CBR4: variants seen among roughly 807,000 people sequenced by gnomAD.
The protein encoded by CBR4 is 3-oxoacyl-[acyl-carrier-protein] reductase.
CBR4 carries 22 observed loss-of-function variants against 21.0 expected under a neutral mutation model. That is an observed-to-expected ratio of 1.05 (90% CI 0.75 to 1.50). The LOEUF is 1.50. Among genes scored for constraint, CBR4 ranks in the 40% most tolerant of loss-of-function variants. CBR4 has a pLI of 0.00. For missense variants in CBR4, 302 were observed against 286.3 expected (o/e 1.05, Z -0.40); for synonymous variants, 100 against 104.4 (o/e 0.96, Z 0.26).
At chr4:168,970,129 T>C (rs1325634285) in intron 2 of CBR4, among the ~76,000 whole-genome samples, 3 of 152,240 alleles carry the variant, frequency 2.0e-5, no homozygotes, top group African/African-American at 7.2e-5. Context: ...ATATTCTTGA[T>C]ACTGACTCTT....
chr4:168,919,397 C>T (rs1422242666), intron 2 of CBR4, among the ~76,000 whole-genome samples: 6 of 152,014 alleles, frequency 3.9e-5, no homozygotes, highest in South Asian at 2.1e-4. Context: ...TGGTGGCAGG[C>T]GCCTGTAATC....
intron 2 of CBR4, among the ~76,000 whole-genome samples, chr4:168,912,519 A>T (rs549284340): frequency 6.6e-5 from 10 of 152,230 alleles, no homozygotes; most frequent in Admixed American, 5.9e-4. Flanking sequence ...TGGCTTATCC[A>T]TGTCATCTGG....
intron 4 of CBR4, among the ~76,000 whole-genome samples, chr4:168,995,698 T>C (rs1264280387): frequency 6.6e-6 from 1 of 152,174 alleles, no homozygotes; most frequent in Non-Finnish European, 1.5e-5. Context: ...CACACTAGGC[T>C]ATAAACATTA....
chr4:168,989,082 G>C lies in CBR4; in HGVS notation c.*1068C>G, dbSNP rs904831560. The C allele has an allele frequency of 1.0e-6, 1 of 984,182 alleles. No homozygotes were observed. The highest frequency in any genetic ancestry group is 1.2e-6 in the Non-Finnish European group (1 of 829,028). 61.0% of individuals were successfully genotyped at this position (984,182 alleles called of 1,614,324 possible). On this transcript the variant is annotated 3_prime_UTR_variant, in exon 5 of 5. Transcript: ENST00000306193. The stretch of plus-strand genomic sequence containing the variant: ...CTCACTTAAGACCAGTGCCTTCACT[G>C]CTTCTTGTAAAGACATTTAATTTAA...
rs118142680 is a variant in CBR4, at chr4:168,964,837, C to T, written n.169+37234G>A. 2.1e-3 allele frequency among the ~76,000 whole-genome samples: 324 copies of T among 151,938 alleles called. 5 individuals are homozygous for T. The East Asian group carries it at 0.055, about 26-fold the overall frequency. ...AGTATGTGTAGATCACTGTGTTCAG[C>T]ACTTTGAGTTACCATGAACCAGACT... On this transcript the variant is annotated intron_variant and non_coding_transcript_variant, in intron 2 of 3. Transcript: ENST00000509108.
At chr4:168,998,552 G>A (rs1348863888) in intron 4 of CBR4, among the ~76,000 whole-genome samples, 1 of 152,110 alleles carries the variant, frequency 6.6e-6, no homozygotes, top group Non-Finnish European at 1.5e-5. Context: ...AATGTTAATG[G>A]GTTTAGGATT....
chr4:168,989,540 A>C lies in CBR4; in HGVS notation c.*610T>G. 2 of 985,418 alleles carry C rather than the reference A, an allele frequency of 2.0e-6. No individual in the cohort carries two copies. The highest frequency in any genetic ancestry group is 2.4e-6 in the Non-Finnish European group (2 of 829,916). 61.0% of individuals were successfully genotyped at this position (985,418 alleles called of 1,614,324 possible). A position where few individuals can be genotyped will look rare whatever the true frequency, so the allele number is the denominator to read the frequency against. On this transcript the variant is annotated 3_prime_UTR_variant, in exon 5 of 5. Coordinates refer to ENST00000306193, the MANE Select transcript of CBR4 (RefSeq NM_032783.5). ...TGATCACCCAAGCACATGCAAAAGG[A>C]ATATAGTTATCTTTAGTGGGCTTGC...
intron 4 of CBR4, among the ~76,000 whole-genome samples, chr4:168,999,006 T>A (rs908737493): frequency 2.0e-5 from 3 of 152,162 alleles, no homozygotes; most frequent in African/African-American, 7.2e-5. Flanking sequence ...ACATATTTTT[T>A]AAGGTAATAC....
chr4:168,894,817 C>A, intron 2 of CBR4: 2 of 1,397,332 alleles, frequency 1.4e-6, no homozygotes, highest in South Asian at 1.3e-5. Context: ...TATCATCAGT[C>A]AACCTCACAG....
chr4:168,903,967 G>A, intron 2 of CBR4: 1 of 1,449,110 alleles, frequency 6.9e-7, no homozygotes, highest in Non-Finnish European at 9.7e-7. Context: ...CATTTGATTA[G>A]ACAAAGGAAC....
In CBR4 at chr4:168,989,582, A is replaced by C. The variant is rs529080397; in HGVS notation, c.*568T>G. ...TGGGCTTGCTAAAGTATTGACAACT[A>C]ATCAGTGTCCTCTAAATACTCTTAT... On this transcript the variant is annotated 3_prime_UTR_variant, in exon 5 of 5. Coordinates refer to ENST00000306193, the MANE Select transcript of CBR4 (RefSeq NM_032783.5). 1.0e-6 allele frequency: 1 copy of C among 985,426 alleles called. No individual in the cohort carries two copies. The highest frequency in any genetic ancestry group is 6.1e-5 in the Admixed American group (1 of 16,278). The allele number at this position is 985,426 out of a possible 1,614,324, so 61.0% of individuals were successfully genotyped here. A position where few individuals can be genotyped will look rare whatever the true frequency, so the allele number is the denominator to read the frequency against.
intron 2 of CBR4, among the ~76,000 whole-genome samples, chr4:168,971,891 T>C (rs1764221970): frequency 6.6e-6 from 1 of 152,034 alleles, no homozygotes; most frequent in Non-Finnish European, 1.5e-5. Flanking sequence ...GTTTTTCCAG[T>C]GTTATCTTCT....
chr4:168,978,353 T>C (rs977160056), intron 2 of CBR4, among the ~76,000 whole-genome samples: 3 of 152,152 alleles, frequency 2.0e-5, no homozygotes, highest in African/African-American at 7.2e-5. Flanking sequence ...GCAGCTAGTG[T>C]GTGCTGCTCT....
At chr4:168,918,322 T>TGA (rs773187591) in intron 2 of CBR4, among the ~76,000 whole-genome samples, 2 of 83,906 alleles carry the variant, frequency 2.4e-5, no homozygotes, top group African/African-American at 6.3e-5. Context: ...AAAGAAAATA[T>TGA]GAGATATATA....
At chr4:168,899,516 T>G (rs1755988051) in intron 2 of CBR4, among the ~76,000 whole-genome samples, 1 of 152,198 alleles carries the variant, frequency 6.6e-6, no homozygotes, top group South Asian at 2.1e-4. Context: ...AAGCAAAAAG[T>G]TGCCTTATAT....
chr4:168,898,269 C>G, intron 2 of CBR4: 1 of 572,954 alleles, frequency 1.7e-6, no homozygotes, highest in Non-Finnish European at 3.1e-6. Context: ...CTTTCCTACC[C>G]CCCTCTTTTT....
intron 3 of CBR4, among the ~76,000 whole-genome samples, chr4:169,002,562 A>G (rs2126855838): frequency 6.6e-6 from 1 of 152,370 alleles, no homozygotes; most frequent in Middle Eastern, 3.4e-3. Context: ...TAGAGGTTAA[A>G]GCCAGAAAAA....
rs1403623266 is a variant in CBR4 at position 168,915,991 on chromosome 4, T to C, written n.170-21226A>G. On this transcript the variant is annotated intron_variant and non_coding_transcript_variant, in intron 2 of 3. Transcript: ENST00000509108. ...TCTTGCAGGCTCCTGGAGATCTGAC[T>C]GTTCAAGAAGGAAAACTCTGCAGAA... is the stretch of plus-strand genomic sequence containing the variant. 4.3e-6 allele frequency: 7 copies of C among 1,613,872 alleles called. No individual in the cohort carries two copies. In the African/African-American group the frequency reaches 6.7e-5, roughly 15 times the overall value.
At chr4:168,934,051 C>CA (rs1207982176) in intron 2 of CBR4, among the ~76,000 whole-genome samples, 2 of 151,652 alleles carry the variant, frequency 1.3e-5, no homozygotes, top group East Asian at 3.9e-4. Context: ...ACATCTATAT[C>CA]AAAAAAGTAA....
Sources: allele counts gnomAD v4.1 joint callset (sites outside exome capture counted in the v4.1 genomes callset), GRCh38; gene constraint gnomAD v4.1.1; transcripts MANE v1.5; gene names NCBI Gene and HGNC (gene_info 2026-07-23, HGNC 2026-07-21).